The following ZC3H14 variants were observed in gnomAD, a reference collection of about 807,000 sequenced individuals.
ZC3H14 encodes zinc finger CCCH domain-containing protein 14.
In ZC3H14, 31 loss-of-function variants were observed where a neutral mutation model predicts 92.4. That is an observed-to-expected ratio of 0.34 (90% CI 0.25 to 0.45). ZC3H14 has a LOEUF of 0.45. ZC3H14 is among the 20% of genes least tolerant of loss of function. ZC3H14 has a pLI of 1.00. For missense variants in ZC3H14, 781 were observed against 897.3 expected (o/e 0.87, Z 1.66); for synonymous variants, 321 against 300.9 (o/e 1.07, Z -0.69).
chr14:88,592,971 CTTT>C (rs11403585), intron 9 of ZC3H14, among the ~76,000 whole-genome samples: 2 of 140,576 alleles, frequency 1.4e-5, no homozygotes, highest in Admixed American at 7.1e-5. Flanking sequence ...CTTTACTATT[CTTT>C]TTTTTTTTTT....
chr14:88,580,459 C>T (rs539903133), intron 9 of ZC3H14, among the ~76,000 whole-genome samples: 1 of 152,244 alleles, frequency 6.6e-6, no homozygotes, highest in South Asian at 2.1e-4. Context: ...ATAGCAAAAC[C>T]TTATGGCTAC....
intron 12 of ZC3H14, among the ~76,000 whole-genome samples, 200 bp from the exon 13 acceptor site, chr14:88,607,043 G>A (rs998035086): frequency 6.6e-6 from 1 of 152,102 alleles, no homozygotes; most frequent in Admixed American, 6.6e-5. Context: ...TTTTCACAGT[G>A]AGAACTGTTG....
intron 3 of ZC3H14, among the ~76,000 whole-genome samples, chr14:88,568,431 C>T (rs898532029): frequency 6.6e-6 from 1 of 152,154 alleles, no homozygotes; most frequent in Admixed American, 6.5e-5. Flanking sequence ...CTTCACAAGT[C>T]GACAGGAAAG....
At position 88,616,363 on chromosome 14, in the gene ZC3H14, C is replaced by T. The variant is rs1055222651; in HGVS notation, c.*4612C>T. 1 of 949,084 alleles carries T rather than the reference C, an allele frequency of 1.1e-6. No homozygotes were observed. The highest frequency in any genetic ancestry group is 1.6e-6 in the Non-Finnish European group (1 of 610,200). 58.8% of individuals were successfully genotyped at this position (949,084 alleles called of 1,614,324 possible). ...AGAGAGTAGGGAGTTAGCACCGCAG[C>T]CAGTGATTAGAATGCTTTTCAGCAT... On this transcript the variant is annotated 3_prime_UTR_variant, in exon 17 of 17. Transcript: ENST00000251038.
rs1567012914 is a variant in ZC3H14 at position 88,618,051 on chromosome 14, T to C, written c.*6300T>C. 9.7e-6 allele frequency: 4 copies of C among 413,528 alleles called. No homozygotes were observed. The highest frequency in any genetic ancestry group is 1.7e-5 in the Non-Finnish European group (4 of 236,306). 25.6% of individuals were successfully genotyped at this position (413,528 alleles called of 1,614,324 possible). On this transcript the variant is annotated 3_prime_UTR_variant, in exon 17 of 17. Coordinates refer to ENST00000251038, the MANE Select transcript of ZC3H14 (RefSeq NM_024824.5). ...ATAAATCATGGAAACTGATAAAACA[T>C]GGAAATATATTCAATAAAAAGGGGT...
At chr14:88,602,412 C>G (rs572709623) in intron 11 of ZC3H14, among the ~76,000 whole-genome samples, 6 of 152,190 alleles carry the variant, frequency 3.9e-5, no homozygotes, top group African/African-American at 1.2e-4. Context: ...GTTGGCAGAT[C>G]AGGTTTGGGT....
chr14:88,599,952 T>A (rs1307353703), intron 10 of ZC3H14, among the ~76,000 whole-genome samples: 1 of 152,156 alleles, frequency 6.6e-6, no homozygotes, highest in African/African-American at 2.4e-5. Flanking sequence ...TGAGTGAGGA[T>A]TCAGTGAGAG....
Position 88,625,017 on chromosome 14 carries a change from G to A in ZC3H14, c.*13266G>A, listed in dbSNP as rs2089706839. The A allele has an allele frequency of 1.2e-6, 2 of 1,613,734 alleles. No homozygotes were observed. The highest frequency in any genetic ancestry group is 1.7e-5 in the Admixed American group (1 of 60,010). On this transcript the variant is annotated 3_prime_UTR_variant, in exon 17 of 17. Coordinates refer to ENST00000251038, the MANE Select transcript of ZC3H14 (RefSeq NM_024824.5). ...CGATAAGTCCATCTCGCAGGGTGGTGTACATGGCAAACACAGGCCCGTTGT... is the reference window on the plus strand; with the variant it reads ...CGATAAGTCCATCTCGCAGGGTGGTATACATGGCAAACACAGGCCCGTTGT...
intron 2 of ZC3H14, among the ~76,000 whole-genome samples, chr14:88,566,497 C>G (rs2079642244): frequency 1.3e-5 from 2 of 152,138 alleles, no homozygotes; most frequent in African/African-American, 4.8e-5. Flanking sequence ...AAAGCTGAAC[C>G]AAGATTTATT....
intron 3 of ZC3H14, among the ~76,000 whole-genome samples, chr14:88,569,114 GC>G (rs1165636004): frequency 6.6e-5 from 10 of 152,114 alleles, no homozygotes; most frequent in Non-Finnish European, 1.5e-4. Context: ...CAGTCCTCCT[GC>G]CTTGGCCTTC....
chr14:88,575,539 A>T (rs1367479463), intron 7 of ZC3H14, among the ~76,000 whole-genome samples: 1 of 152,120 alleles, frequency 6.6e-6, no homozygotes, highest in African/African-American at 2.4e-5. Context: ...AAAAAAAATT[A>T]AAATAAATTA....
At chr14:88,579,255 A>C (rs1261951823) in intron 9 of ZC3H14, among the ~76,000 whole-genome samples, 1 of 152,120 alleles carries the variant, frequency 6.6e-6, no homozygotes, top group Non-Finnish European at 1.5e-5. Context: ...CTCTTTAAAA[A>C]TTTTTGACTG....
Position 88,574,742 on chromosome 14 carries a change from A to C in ZC3H14, c.911A>C (p.Lys304Thr). 1 of 1,614,170 alleles carries C rather than the reference A, an allele frequency of 6.2e-7. No individual in the cohort carries two copies. The highest frequency in any genetic ancestry group is 1.1e-5 in the South Asian group (1 of 91,090). Residue 304 changes from lysine to threonine, a missense_variant, in exon 7 of 17, where the codon AAA becomes ACA. Coordinates refer to ENST00000251038, the MANE Select transcript of ZC3H14 (RefSeq NM_024824.5). ...RKLPVVSSVVKVKKFNHDGEE... is the reference protein window; with the variant it reads ...RKLPVVSSVVTVKKFNHDGEE... ...TTGCCTGTGGTAAGTTCAGTTGTTA[A>C]AGTAAAAAAATTCAATCATGATGGA...
intron 11 of ZC3H14, among the ~76,000 whole-genome samples, chr14:88,602,304 G>A (rs1035563308): frequency 1.3e-5 from 2 of 152,156 alleles, no homozygotes; most frequent in Non-Finnish European, 2.9e-5. Context: ...ACAACTCAGT[G>A]TATGATTTAA....
At position 88,621,265 on chromosome 14, in the gene ZC3H14, T is replaced by A. The variant is rs1343566679; in HGVS notation, c.*9514T>A. On this transcript the variant is annotated 3_prime_UTR_variant, in exon 17 of 17. Coordinates refer to ENST00000251038, the MANE Select transcript of ZC3H14 (RefSeq NM_024824.5). ...GCTGCATTTTTCTCTCCAACTTCGA[T>A]TATTTCAGCATTCCTTGTCCCAACA... The A allele has an allele frequency of 6.2e-7, 1 of 1,613,854 alleles. No individual in the cohort carries two copies. Among genetic ancestry groups the A allele is most frequent in the Non-Finnish European group, 8.5e-7 (1 of 1,179,882 alleles).
rs897107942 is a variant in ZC3H14 at position 88,623,526 on chromosome 14, T to C, written c.*11775T>C. On this transcript the variant is annotated 3_prime_UTR_variant, in exon 17 of 17. Coordinates refer to ENST00000251038, the MANE Select transcript of ZC3H14 (RefSeq NM_024824.5). ...ACCTGTGCCTCCCAGGTTCAAGCGA[T>C]TCTTCTCCTTCAGCCTCCCAAGTAG... The C allele has an allele frequency of 6.6e-6, 1 of 152,098 alleles. No homozygotes were observed. Among genetic ancestry groups the C allele is most frequent in the African/African-American group, 2.4e-5 (1 of 41,384 alleles). The allele number at this position is 152,098 out of a possible 1,614,324, so 9.4% of individuals were successfully genotyped here.
At chr14:88,575,666 G>A (rs146733109) in intron 7 of ZC3H14, among the ~76,000 whole-genome samples, 174 bp from the exon 8 acceptor site, 25 of 152,016 alleles carry the variant, frequency 1.6e-4, no homozygotes, top group Non-Finnish European at 2.6e-4. Flanking sequence ...GGGTGAGAGA[G>A]TAAGAGTCTG....
At chr14:88,606,607 G>T (rs12890258) in intron 12 of ZC3H14, among the ~76,000 whole-genome samples, 5,793 of 152,096 alleles carry the variant, frequency 0.038, 180 homozygotes, top group Non-Finnish European at 0.058. Context: ...CTGTAGCCAG[G>T]CGTGGTGGCA....
intron 8 of ZC3H14, among the ~76,000 whole-genome samples, chr14:88,576,894 G>A (rs1173589409): frequency 6.6e-6 from 1 of 152,016 alleles, no homozygotes; most frequent in Non-Finnish European, 1.5e-5. Flanking sequence ...GGGTCCAAGC[G>A]ATTCTCCTGC....
Sources: gnomAD v4.1 joint callset for allele counts (sites outside exome capture counted in the v4.1 genomes callset) on GRCh38, gnomAD v4.1.1 for gene constraint, MANE v1.5 for transcripts, NCBI Gene and HGNC (gene_info 2026-07-23, HGNC 2026-07-21) for gene names.